Variants in ANKRD30B observed in about 807,000 individuals in gnomAD.
ANKRD30B encodes the protein ankyrin repeat domain 30B, also known as ankyrin repeat domain-containing protein 30B.
Under a neutral mutation model 202.2 loss-of-function variants are expected in ANKRD30B, and 144 were observed. The observed-to-expected ratio is 0.71, with a 90% CI of 0.62 to 0.82. The LOEUF is 0.82. Ranked by LOEUF, ANKRD30B falls within the 40% of genes least tolerant of loss-of-function variation. The pLI, the probability that ANKRD30B is intolerant of heterozygous loss-of-function variation, is 0.00. For synonymous variants in ANKRD30B, 508 were observed against 561.3 expected (o/e 0.91, Z 1.34); for missense variants, 1,487 against 1,669.1 (o/e 0.89, Z 1.90).
At chr18:14,900,522 C>T in the ANKRD30B span, among the ~76,000 whole-genome samples, 1 of 152,076 alleles carries the variant, frequency 6.6e-6, no homozygotes, top group African/African-American at 2.4e-5. Context: ...TTATGATGTT[C>T]ATTCCTTCAA....
intron 20 of ANKRD30B, 27 bp downstream of exon 20, chr18:14,797,881 C>T (rs902175690): frequency 1.3e-6 from 2 of 1,520,566 alleles, no homozygotes; most frequent in African/African-American, 2.8e-5. Context: ...AAATTTTAAT[C>T]TGGAATTAAG....
intron 16 of ANKRD30B, 31 bp downstream of exon 16, chr18:14,791,522 T>C: frequency 6.5e-7 from 1 of 1,531,260 alleles, no homozygotes; most frequent in Non-Finnish European, 9.0e-7. Context: ...AAAAAGTCAT[T>C]TGACCAAATA....
chr18:14,917,528 C>T, the ANKRD30B span, among the ~76,000 whole-genome samples: 1 of 152,214 alleles, frequency 6.6e-6, no homozygotes, highest in Non-Finnish European at 1.5e-5. Flanking sequence ...TAGGCAGGTC[C>T]TCAAGGAGTC....
At position 14,811,213 on chromosome 18, in the gene ANKRD30B, G is replaced by A. The variant is rs564765439; in HGVS notation, c.2488+1033G>A. Reference sequence around the variant, plus strand: ...AAATTTTCTTTTTTTTTTAAATTTTGATATGGCGTCTCGCTGTCTCGCCCA... The same window carrying A: ...AAATTTTCTTTTTTTTTTAAATTTTAATATGGCGTCTCGCTGTCTCGCCCA... On this transcript the variant is annotated intron_variant, in intron 28 of 43. Coordinates refer to ENST00000690538, the MANE Select transcript of ANKRD30B (RefSeq NM_001367607.2). Among the ~76,000 whole-genome samples, 147 of 151,168 alleles carry A rather than the reference G, an allele frequency of 9.7e-4. 1 individual carries two copies. Among genetic ancestry groups the A allele is most frequent in the African/African-American group, 3.5e-3 (143 of 41,102 alleles).
chr18:14,907,491 C>T, the ANKRD30B span, among the ~76,000 whole-genome samples: 2 of 152,310 alleles, frequency 1.3e-5, no homozygotes, highest in Admixed American at 1.3e-4. Context: ...AGACACTGAG[C>T]ATCCCAGGGA....
Position 14,820,300 on chromosome 18 carries a change from G to A in ANKRD30B, c.2642-2183G>A, listed in dbSNP as rs1421928709. Among the ~76,000 whole-genome samples, 6 of 152,082 alleles carry A rather than the reference G, an allele frequency of 3.9e-5. No homozygotes were observed. The East Asian group carries it at 9.7e-4, about 24-fold the overall frequency. ...GGTTTTCTAGATATACAATCATGTC[G>A]TTTGCAAAGAGGGACAATTTGACTT... is the stretch of plus-strand genomic sequence containing the variant. On this transcript the variant is annotated intron_variant, in intron 30 of 43. Transcript: ENST00000690538.
At chr18:14,930,544 A>T in the ANKRD30B span, among the ~76,000 whole-genome samples, 1 of 152,162 alleles carries the variant, frequency 6.6e-6, no homozygotes, top group African/African-American at 2.4e-5. Context: ...CTAAGCTATC[A>T]AAGAGGTTCT....
chr18:14,923,401 G>T, the ANKRD30B span, among the ~76,000 whole-genome samples: 1 of 152,220 alleles, frequency 6.6e-6, no homozygotes, highest in Non-Finnish European at 1.5e-5. Flanking sequence ...TGGTGACCAT[G>T]AGGAGAGGCT....
intron 42 of ANKRD30B, 29 bp downstream of exon 42, chr18:14,852,449 C>G: frequency 6.6e-7 from 1 of 1,504,358 alleles, no homozygotes; most frequent in Non-Finnish European, 8.8e-7. Flanking sequence ...AAATACTTTT[C>G]AAACTTCCTG....
At chr18:14,856,211 C>T (rs1421536740), downstream of ANKRD30B, among the ~76,000 whole-genome samples, 10 of 136,646 alleles carry the variant, frequency 7.3e-5, no homozygotes, top group African/African-American at 2.2e-4. Context: ...CGTGAAGAGG[C>T]GCTTCTCACC....
At chr18:14,845,850 A>G (rs2143221486) in intron 39 of ANKRD30B, among the ~76,000 whole-genome samples, 1 of 152,276 alleles carries the variant, frequency 6.6e-6, no homozygotes, top group South Asian at 2.1e-4. Context: ...CTCACATGGC[A>G]GAAAGGGTAA....
the ANKRD30B span, among the ~76,000 whole-genome samples, chr18:14,906,547 C>T: frequency 6.6e-6 from 1 of 152,122 alleles, no homozygotes; most frequent in Non-Finnish European, 1.5e-5. Context: ...ACACATTGAA[C>T]TAAATGTATG....
At chr18:14,828,137 C>T in intron 32 of ANKRD30B, 141 bp from the exon 33 acceptor site, 2 of 658,096 alleles carry the variant, frequency 3.0e-6, no homozygotes, top group Non-Finnish European at 5.2e-6. Flanking sequence ...ACTCCTGGAC[C>T]TCTCAGATGA....
chr18:14,881,833 G>A, the ANKRD30B span, among the ~76,000 whole-genome samples: 1 of 151,834 alleles, frequency 6.6e-6, no homozygotes, highest in South Asian at 2.1e-4. Flanking sequence ...TAAGTTAGGA[G>A]GGTTGTATTT....
At chr18:14,896,360 T>A in the ANKRD30B span, among the ~76,000 whole-genome samples, 1 of 152,150 alleles carries the variant, frequency 6.6e-6, no homozygotes, top group East Asian at 1.9e-4. Flanking sequence ...CTCGATCTCC[T>A]GACCTTGTGA....
the ANKRD30B span, among the ~76,000 whole-genome samples, chr18:14,864,569 G>A: frequency 1.3e-5 from 2 of 148,416 alleles, no homozygotes; most frequent in Admixed American, 6.8e-5. Context: ...ATACTTTACC[G>A]CTCACTTCCA....
At chr18:14,785,878 A>C (rs1400649102) in intron 14 of ANKRD30B, among the ~76,000 whole-genome samples, 1 of 152,016 alleles carries the variant, frequency 6.6e-6, no homozygotes, top group Non-Finnish European at 1.5e-5. Context: ...CTCTACTAAA[A>C]ATACAAAAAA....
At chr18:14,860,038 G>A in the ANKRD30B span, among the ~76,000 whole-genome samples, 1 of 141,922 alleles carries the variant, frequency 7.0e-6, no homozygotes, top group African/African-American at 2.7e-5. Context: ...TCACAACCCA[G>A]ACAGGGTGGC....
At chr18:14,805,418 C>A (rs1235885667) in intron 24 of ANKRD30B, among the ~76,000 whole-genome samples, 1 of 150,898 alleles carries the variant, frequency 6.6e-6, no homozygotes, top group African/African-American at 2.5e-5. Context: ...TGTACATCTT[C>A]CTCCATCAGT....
Sources: allele counts gnomAD v4.1 joint callset (sites outside exome capture counted in the v4.1 genomes callset), GRCh38; gene constraint gnomAD v4.1.1; transcripts MANE v1.5; gene names NCBI Gene and HGNC (gene_info 2026-07-23, HGNC 2026-07-21).